The following NRG4 variants were observed in gnomAD, a reference collection of about 807,000 sequenced individuals.
NRG4 encodes neuregulin 4, also known as pro-neuregulin-4, membrane-bound isoform.
NRG4 carries 10 observed loss-of-function variants against 15.0 expected under a neutral mutation model. The observed-to-expected ratio is 0.67, with a 90% CI of 0.41 to 1.13. NRG4 has a LOEUF of 1.13. Ranked by LOEUF, NRG4 falls within the 50% of genes most tolerant of loss-of-function variation. NRG4 has a pLI of 0.00. For missense variants in NRG4, 139 were observed against 140.2 expected (o/e 0.99, Z 0.04); for synonymous variants, 41 against 50.1 (o/e 0.82, Z 0.77).
At chr15:75,993,235 A>C (rs982422109) in intron 3 of NRG4, among the ~76,000 whole-genome samples, 3 of 149,532 alleles carry the variant, frequency 2.0e-5, no homozygotes, top group Admixed American at 2.0e-4. Flanking sequence ...TTAAACCTGA[A>C]ATTTTGGCTT....
intron 3 of NRG4, among the ~76,000 whole-genome samples, chr15:75,980,688 C>G (rs2033571091): frequency 6.6e-6 from 1 of 152,148 alleles, no homozygotes; most frequent in Non-Finnish European, 1.5e-5. Flanking sequence ...CCTAAAGGTA[C>G]TTAGGATACC....
At chr15:76,023,183 C>CACACACACACACACACACAA (rs67858639) in intron 5 of NRG4, among the ~76,000 whole-genome samples, 27 of 112,550 alleles carry the variant, frequency 2.4e-4, no homozygotes, top group South Asian at 5.1e-4. Flanking sequence ...CACACACACA[C>CACACACACACACACACACAA]AAGCAAGGAC....
chr15:76,048,300 C>CA (rs1317517753), intron 4 of NRG4, among the ~76,000 whole-genome samples: 1 of 150,188 alleles, frequency 6.7e-6, no homozygotes, highest in Non-Finnish European at 1.5e-5. Context: ...GGTAAAACCC[C>CA]ATCTCTACTA....
chr15:75,962,662 C>T (rs978873729), intron 3 of NRG4, among the ~76,000 whole-genome samples: 5 of 152,090 alleles, frequency 3.3e-5, no homozygotes, highest in African/African-American at 1.2e-4. Flanking sequence ...AACTATATAA[C>T]AAAGAACCAT....
intron 2 of NRG4, among the ~76,000 whole-genome samples, chr15:76,055,010 T>C (rs1320039593): frequency 7.0e-6 from 1 of 143,572 alleles, no homozygotes; most frequent in Non-Finnish European, 1.6e-5. Flanking sequence ...CCGGGCACAG[T>C]GGCTCATGCC....
intron 5 of NRG4, among the ~76,000 whole-genome samples, chr15:75,945,250 T>C (rs2031419381): frequency 1.5e-5 from 2 of 135,340 alleles, no homozygotes; most frequent in African/African-American, 5.4e-5. Flanking sequence ...GATATATATA[T>C]TTTTTATCAT....
chr15:75,940,065 A>G (rs1271552489), downstream of NRG4: 1 of 151,690 alleles, frequency 6.6e-6, no homozygotes, highest in South Asian at 2.1e-4. Context: ...AAAATCCTAT[A>G]TGTTCACAAA....
chr15:75,974,819 A>G (rs893290844), intron 3 of NRG4, among the ~76,000 whole-genome samples: 1 of 152,218 alleles, frequency 6.6e-6, no homozygotes, highest in African/African-American at 2.4e-5. Flanking sequence ...GCTGAGAAGA[A>G]TGTATATTCT....
At chr15:75,952,013 T>C (rs966750943) in intron 5 of NRG4, among the ~76,000 whole-genome samples, 2 of 152,214 alleles carry the variant, frequency 1.3e-5, no homozygotes, top group Non-Finnish European at 2.9e-5. Flanking sequence ...CTTTCAACTG[T>C]CATATGCCTG....
At chr15:76,027,434 CA>C (rs1343944567) in intron 5 of NRG4, among the ~76,000 whole-genome samples, 1 of 150,480 alleles carries the variant, frequency 6.6e-6, no homozygotes, top group East Asian at 1.9e-4. Context: ...GCAAGCTGTA[CA>C]AAGAGAAAAA....
At chr15:75,984,488 G>A (rs1377281736) in intron 3 of NRG4, among the ~76,000 whole-genome samples, 5 of 152,038 alleles carry the variant, frequency 3.3e-5, no homozygotes, top group African/African-American at 1.2e-4. Context: ...TCCTTTGCAG[G>A]GACATGGATG....
At chr15:76,045,230 T>C (rs1480656238) in intron 4 of NRG4, among the ~76,000 whole-genome samples, 2 of 150,876 alleles carry the variant, frequency 1.3e-5, no homozygotes, top group South Asian at 2.1e-4. Flanking sequence ...AAATCAAAAC[T>C]ACAATGAGAT....
chr15:76,030,648 TA>T (rs1192853685), intron 5 of NRG4, among the ~76,000 whole-genome samples: 1 of 152,166 alleles, frequency 6.6e-6, no homozygotes, highest in Admixed American at 6.5e-5. Flanking sequence ...CAAGGCAACA[TA>T]GGGGAAAGAC....
intron 5 of NRG4, among the ~76,000 whole-genome samples, chr15:76,035,341 A>G (rs1167494481): frequency 6.6e-6 from 1 of 152,208 alleles, no homozygotes; most frequent in Non-Finnish European, 1.5e-5. Context: ...CCCTGAACTC[A>G]GCAGACTTCC....
chr15:75,972,836 A>T (rs1225734639), intron 3 of NRG4, among the ~76,000 whole-genome samples: 1 of 152,060 alleles, frequency 6.6e-6, no homozygotes, highest in East Asian at 1.9e-4. Flanking sequence ...CTTGTCCAGG[A>T]CTGTCTTGGC....
At chr15:76,035,590 A>G (rs2035580519) in intron 5 of NRG4, among the ~76,000 whole-genome samples, 2 of 152,146 alleles carry the variant, frequency 1.3e-5, no homozygotes, top group South Asian at 4.1e-4. Flanking sequence ...AAAGTCCCTC[A>G]GGCAGTGTTA....
intron 4 of NRG4, among the ~76,000 whole-genome samples, chr15:76,049,385 C>A (rs527956356): frequency 1.3e-5 from 2 of 150,792 alleles, no homozygotes; most frequent in South Asian, 4.2e-4. Flanking sequence ...ATTTGCTCAC[C>A]CCATATGCAC....
At chr15:76,003,297 AGCT>A (rs1191272392) in intron 3 of NRG4, among the ~76,000 whole-genome samples, 3 of 152,168 alleles carry the variant, frequency 2.0e-5, no homozygotes, top group South Asian at 2.1e-4. Flanking sequence ...AAAAATCGTG[AGCT>A]GCTATTAAAT....
intron 5 of NRG4, among the ~76,000 whole-genome samples, chr15:76,026,766 C>T (rs974060988): frequency 1.1e-4 from 16 of 152,152 alleles, no homozygotes; most frequent in African/African-American, 3.9e-4. Flanking sequence ...TCAATAATAA[C>T]CTTGCATGCC....
Sources: gnomAD v4.1 joint callset for allele counts (sites outside exome capture counted in the v4.1 genomes callset) on GRCh38, gnomAD v4.1.1 for gene constraint, MANE v1.5 for transcripts, NCBI Gene and HGNC (gene_info 2026-07-23, HGNC 2026-07-21) for gene names.